MSH3: variants seen among roughly 807,000 people sequenced by gnomAD.
MSH3 encodes the protein mutS homolog 3.
MSH3 carries 106 observed loss-of-function variants against 123.3 expected under a neutral mutation model. The ratio of observed to expected loss-of-function variants is 0.86; its 90% CI spans 0.73 to 1.01. The LOEUF is 1.01. Among genes scored for constraint, MSH3 ranks in the 50% least tolerant of loss-of-function variants. MSH3 has a pLI of 0.00. For synonymous variants in MSH3, 515 were observed against 481.4 expected (o/e 1.07, Z -0.91); for missense variants, 1,459 against 1,347.6 (o/e 1.08, Z -1.29).
rs1050251111 is a variant in MSH3 at position 80,761,764 on chromosome 5, A to C, written c.1896+86A>C. The C allele has an allele frequency of 2.8e-6, 4 of 1,421,650 alleles. No homozygotes were observed. The African/African-American group carries it at 5.8e-5, about 20-fold the overall frequency. The allele number at this position is 1,421,650 out of a possible 1,614,324, so 88.1% of individuals were successfully genotyped here. On this transcript the variant is annotated intron_variant, in intron 13 of 23. Coordinates refer to ENST00000265081, the MANE Select transcript of MSH3 (RefSeq NM_002439.5). ...TTAAAAGAAAACTTTTGAGAGCTCTATTATTATTTTATTTTGTAAAATCTT... is the reference window on the plus strand; with the variant it reads ...TTAAAAGAAAACTTTTGAGAGCTCTCTTATTATTTTATTTTGTAAAATCTT...
intron 20 of MSH3, among the ~76,000 whole-genome samples, chr5:80,843,741 G>A (rs1453610871): frequency 1.3e-5 from 2 of 151,918 alleles, no homozygotes; most frequent in African/African-American, 2.4e-5. Context: ...CTGTGGGATC[G>A]GTGGTAATGT....
chr5:80,743,971 A>G (rs908660119), intron 11 of MSH3, among the ~76,000 whole-genome samples: 2 of 152,122 alleles, frequency 1.3e-5, no homozygotes, highest in African/African-American at 2.4e-5. Flanking sequence ...ATGTCTAGTT[A>G]ATTGTGATTT....
chr5:80,743,387 C>T (rs932780508), intron 11 of MSH3, among the ~76,000 whole-genome samples: 1 of 152,096 alleles, frequency 6.6e-6, no homozygotes, highest in African/African-American at 2.4e-5. Context: ...TATGTCACAC[C>T]TTTTCTAGTT....
chr5:80,742,278 A>G (rs1337333679), intron 11 of MSH3, among the ~76,000 whole-genome samples: 1 of 152,180 alleles, frequency 6.6e-6, no homozygotes, highest in East Asian at 1.9e-4. Flanking sequence ...CCAAAATCCT[A>G]GGATTACAGG....
At chr5:80,734,837 A>G (rs1223902286) in intron 10 of MSH3, among the ~76,000 whole-genome samples, 6 of 152,158 alleles carry the variant, frequency 3.9e-5, no homozygotes, top group African/African-American at 1.4e-4. Flanking sequence ...CGCCCACCAA[A>G]GAGGCAGTCA....
intron 20 of MSH3, among the ~76,000 whole-genome samples, chr5:80,852,686 A>G (rs1369583859): frequency 6.6e-5 from 10 of 152,218 alleles, no homozygotes; most frequent in Admixed American, 4.6e-4. Flanking sequence ...CAGAAATTAT[A>G]CAATTTCTCA....
chr5:80,749,330 C>T (rs1243353135), intron 12 of MSH3, among the ~76,000 whole-genome samples: 1 of 152,196 alleles, frequency 6.6e-6, no homozygotes, highest in Non-Finnish European at 1.5e-5. Context: ...AGTTGAAGAA[C>T]TGAGAGTCTG....
At position 80,741,510 on chromosome 5, in the gene MSH3, G is replaced by A. The variant is rs1379011618; in HGVS notation, c.1615G>A (p.Gly539Arg). 7 of 1,607,788 alleles carry A rather than the reference G, an allele frequency of 4.4e-6. No individual in the cohort carries two copies. Among genetic ancestry groups the A allele is most frequent in the Admixed American group, 1.7e-5 (1 of 59,986 alleles). Reference protein sequence around the residue: ...SSKMEFMTINGTTLRNLEILQ... With the variant: ...SSKMEFMTINRTTLRNLEILQ... ...TAAAATGGAATTTATGACAATTAAT[G>A]GAACAACATTAAGGAATCTGGAAAT... The change falls in exon 11 of 24, where the codon GGA becomes AGA. Residue 539 changes from glycine to arginine, a missense_variant. Physicochemically the swap from Gly to Arg is moderately radical, Grantham distance 125 (BLOSUM62 -2). Transcript: ENST00000265081.
chr5:80,780,028 G>GT (rs962064327), intron 17 of MSH3, among the ~76,000 whole-genome samples: 2 of 152,046 alleles, frequency 1.3e-5, no homozygotes, highest in Non-Finnish European at 2.9e-5. Flanking sequence ...TATCTGCCAC[G>GT]TTTTTTGTTA....
Position 80,654,954 on chromosome 5 carries a change from C to G in MSH3, c.227C>G (p.Pro76Arg), listed in dbSNP as rs1322965420. 2 of 1,479,666 alleles carry G rather than the reference C, an allele frequency of 1.4e-6. No homozygotes were observed. Among genetic ancestry groups the G allele is most frequent in the South Asian group, 2.6e-5 (2 of 76,802 alleles). 91.7% of individuals were successfully genotyped at this position (1,479,666 alleles called of 1,614,324 possible). Residue 76 changes from proline (P) to arginine (R), a missense_variant, in exon 1 of 24, where the codon CCG becomes CGG. By Grantham distance (103) the Pro-to-Arg change is moderately radical. Coordinates refer to ENST00000265081, the MANE Select transcript of MSH3 (RefSeq NM_002439.5). ...GCTCCCGCCTTCCCGCCCCAGCTGC[C>G]GCCGCACATAGTAGGTTCTGTCTGG... ...PPAPAFPPQL[P>R]PHIATEIDRR...
At chr5:80,764,651 CTG>C (rs951153076) in intron 13 of MSH3, among the ~76,000 whole-genome samples, 4 of 151,990 alleles carry the variant, frequency 2.6e-5, no homozygotes, top group African/African-American at 9.7e-5. Flanking sequence ...GTGTGAGCCA[CTG>C]TGCTTAGCCT....
intron 8 of MSH3, among the ~76,000 whole-genome samples, chr5:80,713,011 C>A (rs1750888387): frequency 1.3e-5 from 2 of 152,168 alleles, no homozygotes; most frequent in African/African-American, 4.8e-5. Context: ...TGGAACTCAT[C>A]AGTGCTATTA....
chr5:80,807,064 C>T (rs1186489992), intron 19 of MSH3, among the ~76,000 whole-genome samples: 2 of 151,714 alleles, frequency 1.3e-5, no homozygotes, highest in Non-Finnish European at 2.9e-5. Context: ...TGATGGCACC[C>T]ACCCATGGTC....
intron 8 of MSH3, among the ~76,000 whole-genome samples, chr5:80,679,386 ACACCACCTACCCCTACTAT>A (rs1276523527): frequency 6.6e-6 from 1 of 152,056 alleles, no homozygotes; most frequent in Non-Finnish European, 1.5e-5. Context: ...AATAGAAGAA[ACACCACCTACCCCTACTAT>A]CACCTTAATG....
chr5:80,852,312 C>G (rs1016244861), intron 20 of MSH3, among the ~76,000 whole-genome samples: 1 of 152,130 alleles, frequency 6.6e-6, no homozygotes, highest in Non-Finnish European at 1.5e-5. Context: ...GGTGACAGAT[C>G]AAGAGCCTGT....
At chr5:80,697,324 C>G (rs931620389) in intron 8 of MSH3, among the ~76,000 whole-genome samples, 1 of 152,158 alleles carries the variant, frequency 6.6e-6, no homozygotes, top group Non-Finnish European at 1.5e-5. Flanking sequence ...GCAGCTGGAG[C>G]CAAGTTACAC....
chr5:80,741,406 A>G, intron 10 of MSH3, 58 bp from the exon 11 acceptor site: 1 of 1,090,406 alleles, frequency 9.2e-7, no homozygotes, highest in Non-Finnish European at 1.4e-6. Flanking sequence ...TTCCTGAATT[A>G]GTTTTTTATT....
chr5:80,740,967 C>T (rs6870465), intron 10 of MSH3, among the ~76,000 whole-genome samples: 39 of 151,440 alleles, frequency 2.6e-4, no homozygotes, highest in African/African-American at 9.5e-4. Flanking sequence ...CCGCCTGCCT[C>T]AGCCTCCCAA....
chr5:80,762,847 T>C (rs1438230568), intron 13 of MSH3, among the ~76,000 whole-genome samples: 1 of 151,908 alleles, frequency 6.6e-6, no homozygotes, highest in Non-Finnish European at 1.5e-5. Flanking sequence ...TATGTTATTT[T>C]ATTTTATTTT....
Sources: gnomAD v4.1 joint callset for allele counts (sites outside exome capture counted in the v4.1 genomes callset) on GRCh38, gnomAD v4.1.1 for gene constraint, MANE v1.5 for transcripts, NCBI Gene and HGNC (gene_info 2026-07-23, HGNC 2026-07-21) for gene names.